The following ATRNL1 variants were observed in gnomAD, a reference collection of about 807,000 sequenced individuals.
ATRNL1 encodes attractin-like protein 1.
Under a neutral mutation model 182.7 loss-of-function variants are expected in ATRNL1, and 95 were observed. The observed-to-expected ratio is 0.52, with a 90% CI of 0.44 to 0.62. ATRNL1 has a LOEUF of 0.62. Among genes scored for constraint, ATRNL1 ranks in the 20% least tolerant of loss-of-function variants. ATRNL1 has a pLI of 0.00. For synonymous variants in ATRNL1, 576 were observed against 568.3 expected (o/e 1.01, Z -0.19); for missense variants, 1,471 against 1,679.5 (o/e 0.88, Z 2.17).
chr10:115,784,664 T>C (rs1949352541), intron 27 of ATRNL1, among the ~76,000 whole-genome samples: 1 of 152,212 alleles, frequency 6.6e-6, no homozygotes, highest in Admixed American at 6.5e-5. Context: ...CTCTTAGCTG[T>C]TGGTGGTTGC....
intron 1 of ATRNL1, among the ~76,000 whole-genome samples, chr10:115,117,059 T>G (rs1206335130): frequency 6.6e-6 from 1 of 151,976 alleles, no homozygotes; most frequent in Non-Finnish European, 1.5e-5. Flanking sequence ...GGAAGGGGGA[T>G]ATATATTTTT....
chr10:115,398,632 A>G (rs1342633665), intron 20 of ATRNL1, among the ~76,000 whole-genome samples: 2 of 152,102 alleles, frequency 1.3e-5, no homozygotes, highest in African/African-American at 4.8e-5. Flanking sequence ...TTCTAGATGT[A>G]GGATCATGTT....
chr10:115,792,588 A>G (rs1478126136), intron 27 of ATRNL1, among the ~76,000 whole-genome samples: 1 of 152,094 alleles, frequency 6.6e-6, no homozygotes, highest in Non-Finnish European at 1.5e-5. Flanking sequence ...TTTTCTCTAC[A>G]TTGGCTGCAT....
At chr10:115,130,571 T>C (rs139827796) in intron 5 of ATRNL1, among the ~76,000 whole-genome samples, 3,266 of 152,204 alleles carry the variant, frequency 0.021, 44 homozygotes, top group South Asian at 0.029. Context: ...TATGATTTCT[T>C]ATTAAATCGA....
At chr10:115,802,395 A>G (rs1949819374) in intron 27 of ATRNL1, among the ~76,000 whole-genome samples, 1 of 152,200 alleles carries the variant, frequency 6.6e-6, no homozygotes, top group African/African-American at 2.4e-5. Flanking sequence ...CTTTTATTTG[A>G]AAAGAAGGGA....
At chr10:115,782,969 A>G (rs1266244703) in intron 27 of ATRNL1, among the ~76,000 whole-genome samples, 7 of 152,222 alleles carry the variant, frequency 4.6e-5, no homozygotes, top group Non-Finnish European at 5.9e-5. Context: ...ATCAGTACAC[A>G]TGACTTAGCC....
chr10:115,334,130 G>A (rs1021518621), intron 18 of ATRNL1, 152 bp from the exon 19 acceptor site: 1 of 468,000 alleles, frequency 2.1e-6, no homozygotes, highest in Non-Finnish European at 3.7e-6. Context: ...AAAACTTTGA[G>A]CTATATGTGT....
At chr10:115,507,190 G>A (rs1850156970) in intron 24 of ATRNL1, among the ~76,000 whole-genome samples, 1 of 151,998 alleles carries the variant, frequency 6.6e-6, no homozygotes, top group African/African-American at 2.4e-5. Context: ...TTCTCCAAAG[G>A]AGGAAATCAG....
At chr10:115,569,348 G>A (rs1854252787) in intron 26 of ATRNL1, among the ~76,000 whole-genome samples, 2 of 152,026 alleles carry the variant, frequency 1.3e-5, no homozygotes, top group African/African-American at 2.4e-5. Flanking sequence ...TTGTATGTGT[G>A]CAGGTATAAT....
chr10:115,392,753 G>A (rs1844091013), intron 19 of ATRNL1, among the ~76,000 whole-genome samples: 1 of 152,076 alleles, frequency 6.6e-6, no homozygotes, highest in African/African-American at 2.4e-5. Context: ...GTGATCTGTG[G>A]GAGACACATA....
intron 17 of ATRNL1, among the ~76,000 whole-genome samples, chr10:115,310,673 G>A (rs1205963493): frequency 1.3e-5 from 2 of 152,122 alleles, no homozygotes; most frequent in Non-Finnish European, 2.9e-5. Context: ...GATGTTGTTT[G>A]TAATGTCTCC....
chr10:115,460,422 A>T (rs979858873), intron 21 of ATRNL1, among the ~76,000 whole-genome samples: 1 of 152,122 alleles, frequency 6.6e-6, no homozygotes, highest in African/African-American at 2.4e-5. Flanking sequence ...TTAAAAAAAA[A>T]AATAAAACTT....
chr10:115,817,364 G>A (rs1425772974), intron 27 of ATRNL1, among the ~76,000 whole-genome samples: 1 of 152,024 alleles, frequency 6.6e-6, no homozygotes, highest in South Asian at 2.1e-4. Flanking sequence ...TGCATTTCAT[G>A]AGGCTAAATT....
chr10:115,206,962 G>C (rs990192428), intron 8 of ATRNL1, among the ~76,000 whole-genome samples: 1 of 152,126 alleles, frequency 6.6e-6, no homozygotes, highest in Non-Finnish European at 1.5e-5. Context: ...CCTTACGATA[G>C]TTTGCTGAGA....
chr10:115,440,013 T>C (rs1227057261), intron 21 of ATRNL1, among the ~76,000 whole-genome samples: 4 of 151,960 alleles, frequency 2.6e-5, no homozygotes, highest in Non-Finnish European at 5.9e-5. Flanking sequence ...ATTATTTATT[T>C]ATATCGGTAT....
chr10:115,120,275 A>G lies in ATRNL1; in HGVS notation c.377+7A>G, dbSNP rs1483752536. 1.2e-5 allele frequency: 17 copies of G among 1,403,238 alleles called. No homozygotes were observed. The highest frequency in any genetic ancestry group is 3.6e-5 in the Admixed American group (2 of 54,830). The allele number at this position is 1,403,238 out of a possible 1,614,324, so 86.9% of individuals were successfully genotyped here. ...CTTGGCTCATTGAAGGCTAGTAAGT[A>G]TACAGTCTGAGTCAAATTAATGTAT... On this transcript the variant is annotated splice_region_variant and intron_variant, in intron 2 of 28. Coordinates refer to ENST00000355044, the MANE Select transcript of ATRNL1 (RefSeq NM_207303.4).
At chr10:115,455,436 C>G (rs1554968512) in intron 21 of ATRNL1, among the ~76,000 whole-genome samples, 1 of 152,072 alleles carries the variant, frequency 6.6e-6, no homozygotes, top group Admixed American at 6.6e-5. Context: ...TAGCCATATG[C>G]AGAAAACTGA....
chr10:115,944,285 TAAA>T (rs10588486), intron 28 of ATRNL1, among the ~76,000 whole-genome samples: 2,863 of 131,640 alleles, frequency 0.022, 115 homozygotes, highest in South Asian at 0.059. Context: ...GTTTTGTTCC[TAAA>T]AAAAAAAAAA....
chr10:115,365,049 A>G (rs1856956459), intron 19 of ATRNL1, among the ~76,000 whole-genome samples: 1 of 149,570 alleles, frequency 6.7e-6, no homozygotes, highest in Non-Finnish European at 1.5e-5. Context: ...TGAGTTAGGG[A>G]GGATTCCCTC....
Sources: allele counts gnomAD v4.1 joint callset (sites outside exome capture counted in the v4.1 genomes callset), GRCh38; gene constraint gnomAD v4.1.1; transcripts MANE v1.5; gene names NCBI Gene and HGNC (gene_info 2026-07-23, HGNC 2026-07-21).